The following CIT variants were observed in gnomAD, a reference collection of about 807,000 sequenced individuals.
The protein encoded by CIT is citron Rho-interacting kinase.
Under a neutral mutation model 272.7 loss-of-function variants are expected in CIT, and 79 were observed. That is an observed-to-expected ratio of 0.29 (90% CI 0.24 to 0.35). CIT has a LOEUF of 0.35. CIT is among the 10% of genes least tolerant of loss of function. The probability of loss-of-function intolerance (pLI) is 1.00; values close to 1 mark genes in which losing one functional copy is unlikely to be tolerated. For missense variants in CIT, 1,909 were observed against 2,618.3 expected (o/e 0.73, Z 5.91); for synonymous variants, 948 against 995.6 (o/e 0.95, Z 0.90).
At chr12:119,723,179 C>T (rs1736145113) in intron 28 of CIT, among the ~76,000 whole-genome samples, 1 of 152,070 alleles carries the variant, frequency 6.6e-6, no homozygotes, top group Non-Finnish European at 1.5e-5. Context: ...AGCTAAGATA[C>T]CCTCCTCCGC....
chr12:119,854,598 G>A lies in CIT; in HGVS notation c.414+2925C>T, dbSNP rs563856866. 4.6e-5 allele frequency among the ~76,000 whole-genome samples: 7 copies of A among 151,914 alleles called. No homozygotes were observed. The East Asian group carries it at 9.8e-4, about 21-fold the overall frequency. ...GCAGAGGTTGCAGTGAGTGAGATCC[G>A]GCCACTGAACTCCAGCGGACTCTGT... On this transcript the variant is annotated intron_variant, in intron 4 of 47. Coordinates refer to ENST00000392521, the MANE Select transcript of CIT (RefSeq NM_001206999.2).
At chr12:119,733,485 G>A (rs372303505) in intron 26 of CIT, among the ~76,000 whole-genome samples, 2 of 149,918 alleles carry the variant, frequency 1.3e-5, no homozygotes, top group East Asian at 2.0e-4. Context: ...AGTGAACTGC[G>A]ATGGTGCCAC....
intron 29 of CIT, among the ~76,000 whole-genome samples, 180 bp downstream of exon 29, chr12:119,721,129 G>A (rs1385128090): frequency 1.3e-5 from 2 of 152,102 alleles, no homozygotes; most frequent in African/African-American, 4.8e-5. Flanking sequence ...ACCACGCCAG[G>A]CTAATTTTTG....
intron 28 of CIT, among the ~76,000 whole-genome samples, chr12:119,727,293 C>T (rs995273948): frequency 6.6e-6 from 1 of 152,178 alleles, no homozygotes; most frequent in Non-Finnish European, 1.5e-5. Context: ...CTTGAAAATT[C>T]TAATTTCAAA....
chr12:119,851,521 T>C (rs905956212), intron 4 of CIT, among the ~76,000 whole-genome samples: 16 of 152,132 alleles, frequency 1.1e-4, no homozygotes, highest in Non-Finnish European at 2.4e-4. Flanking sequence ...CATCTTGCTA[T>C]ACCAGAAAGC....
At chr12:119,794,878 C>T (rs1363268028) in intron 10 of CIT, among the ~76,000 whole-genome samples, 1 of 152,218 alleles carries the variant, frequency 6.6e-6, no homozygotes, top group South Asian at 2.1e-4. Context: ...TTCATATCCC[C>T]ATGGCAAACC....
intron 41 of CIT, among the ~76,000 whole-genome samples, chr12:119,702,568 T>A (rs1013734890): frequency 2.0e-5 from 3 of 151,952 alleles, no homozygotes; most frequent in African/African-American, 7.3e-5. Context: ...GCACCTGTGA[T>A]CCCAGTTACT....
intron 40 of CIT, 33 bp from the exon 41 acceptor site, chr12:119,704,488 C>CT (rs1220129507): frequency 1.3e-6 from 2 of 1,597,042 alleles, no homozygotes; most frequent in Admixed American, 3.3e-5. Flanking sequence ...AAAAGACTGT[C>CT]ACCAGTGTGA....
intron 16 of CIT, 72 bp downstream of exon 16, chr12:119,775,714 C>G: frequency 2.5e-6 from 3 of 1,215,542 alleles, no homozygotes; most frequent in Non-Finnish European, 3.6e-6. Flanking sequence ...CTTTCGTGCT[C>G]TGGGACAAGG....
rs533381998 is a variant in CIT, at chr12:119,717,345, A to G, written c.4168+900T>C. On this transcript the variant is annotated intron_variant, in intron 32 of 47. Transcript: ENST00000392521. ...GGGATTACAGGCGTGAGCCACCACT[A>G]TAATATTTATAAAAGAAAAAAGGCC... is the stretch of plus-strand genomic sequence containing the variant. 7.0e-4 allele frequency among the ~76,000 whole-genome samples: 102 copies of G among 145,964 alleles called. 1 individual carries two copies. The highest frequency in any genetic ancestry group is 2.4e-3 in the African/African-American group (94 of 39,180).
chr12:119,817,007 G>A (rs1306726837), intron 9 of CIT, among the ~76,000 whole-genome samples: 1 of 152,190 alleles, frequency 6.6e-6, no homozygotes, highest in Non-Finnish European at 1.5e-5. Context: ...GAGAAACCCT[G>A]TTCTAAATAA....
intron 32 of CIT, among the ~76,000 whole-genome samples, chr12:119,716,526 G>A (rs1166318392): frequency 6.6e-6 from 1 of 151,410 alleles, no homozygotes; most frequent in Non-Finnish European, 1.5e-5. Flanking sequence ...AACCAAAACA[G>A]GTTTGATTGC....
chr12:119,714,185 T>C lies in CIT; in HGVS notation c.4306+12A>G. 1 of 1,614,130 alleles carries C rather than the reference T, an allele frequency of 6.2e-7. No individual in the cohort carries two copies. The highest frequency in any genetic ancestry group is 8.5e-7 in the Non-Finnish European group (1 of 1,180,018). On this transcript the variant is annotated intron_variant, in intron 33 of 47. Transcript: ENST00000392521. ...CAGGTGCCCAGCACAGATGCACAAC[T>C]ACTGATCTTACCGAGACATTTGGAT...
chr12:119,743,021 G>C (rs1959137129), intron 23 of CIT, among the ~76,000 whole-genome samples: 1 of 152,042 alleles, frequency 6.6e-6, no homozygotes, highest in African/African-American at 2.4e-5. Flanking sequence ...AATATATATA[G>C]GCTTTCTCCA....
Position 119,751,381 on chromosome 12 carries a change from A to T in CIT, c.2904+669T>A, listed in dbSNP as rs1448354296. Among the ~76,000 whole-genome samples the T allele has an allele frequency of 9.0e-4, 4 of 4,452 alleles. No homozygotes were observed. The African/African-American group carries it at 0.02, about 22-fold the overall frequency. 2.9% of individuals were successfully genotyped at this position (4,452 alleles called of 152,430 possible). A position where few individuals can be genotyped will look rare whatever the true frequency, so the allele number is the denominator to read the frequency against. On this transcript the variant is annotated intron_variant, in intron 23 of 47. Transcript: ENST00000392521. Reference sequence around the variant, plus strand: ...TCAAATGTGGGGAAAATGGCCCCACAAAAAAATCCATTTCAGACTTCTAAA... The same window carrying T: ...TCAAATGTGGGGAAAATGGCCCCACTAAAAAATCCATTTCAGACTTCTAAA...
chr12:119,697,518 G>A lies in CIT; in HGVS notation c.5882+141C>T, dbSNP rs528298355. 32 of 897,128 alleles carry A rather than the reference G, an allele frequency of 3.6e-5. No homozygotes were observed. Among genetic ancestry groups the A allele is most frequent in the Admixed American group, 2.3e-4 (10 of 42,924 alleles). 55.6% of individuals were successfully genotyped at this position (897,128 alleles called of 1,614,324 possible). On this transcript the variant is annotated intron_variant, in intron 46 of 47. Transcript: ENST00000392521. The surrounding 1 kb of genome is among the most constrained non-coding windows in gnomAD (Gnocchi z 4.9). The stretch of plus-strand genomic sequence containing the variant: ...TAATGGTCTGTGTTATTTCAGTGCC[G>A]CAGATCGCAAACAAATGAATGGTTT...
At chr12:119,724,509 C>A (rs573560174) in intron 28 of CIT, among the ~76,000 whole-genome samples, 1 of 152,182 alleles carries the variant, frequency 6.6e-6, no homozygotes, top group South Asian at 2.1e-4. Flanking sequence ...AGTATTTAGG[C>A]CAAGGTTCAA....
chr12:119,724,783 C>T (rs752482367), intron 28 of CIT, among the ~76,000 whole-genome samples: 3 of 151,626 alleles, frequency 2.0e-5, no homozygotes, highest in Non-Finnish European at 2.9e-5. Flanking sequence ...ACTAAAAATA[C>T]AAAAAATTAG....
chr12:119,780,396 A>T (rs1447932195), intron 13 of CIT, among the ~76,000 whole-genome samples: 1 of 152,180 alleles, frequency 6.6e-6, no homozygotes, highest in Non-Finnish European at 1.5e-5. Flanking sequence ...AGGCGGGCAG[A>T]TCAGGAGGTC....
Sources: allele counts gnomAD v4.1 joint callset (sites outside exome capture counted in the v4.1 genomes callset), GRCh38; gene constraint gnomAD v4.1.1; non-coding constraint Gnocchi (gnomAD v3.1); transcripts MANE v1.5; gene names NCBI Gene and HGNC (gene_info 2026-07-23, HGNC 2026-07-21).